The following FAM227B variants were observed in gnomAD, a reference collection of about 807,000 sequenced individuals.
The protein encoded by FAM227B is family with sequence similarity 227 member B, also known as protein FAM227B.
In FAM227B, 88 loss-of-function variants were observed where a neutral mutation model predicts 73.8. That is an observed-to-expected ratio of 1.19 (90% CI 1.00 to 1.42). The LOEUF (loss-of-function observed/expected upper bound fraction) is 1.42. Among genes scored for constraint, FAM227B ranks in the 40% most tolerant of loss-of-function variants. The pLI is 0.00. For missense variants in FAM227B, 632 were observed against 590.9 expected (o/e 1.07, Z -0.72); for synonymous variants, 210 against 190.5 (o/e 1.10, Z -0.84).
chr15:49,411,974 A>G (rs1043503463), intron 11 of FAM227B, among the ~76,000 whole-genome samples: 18 of 152,232 alleles, frequency 1.2e-4, no homozygotes, highest in African/African-American at 3.8e-4. Flanking sequence ...AGCTATTTCC[A>G]TATTCTTTTA....
intron 10 of FAM227B, among the ~76,000 whole-genome samples, chr15:49,508,955 C>T (rs1303576510): frequency 6.6e-6 from 1 of 152,152 alleles, no homozygotes; most frequent in African/African-American, 2.4e-5. Context: ...TGTCATGCCA[C>T]AGGGGGCCAC....
intron 13 of FAM227B, among the ~76,000 whole-genome samples, chr15:49,343,368 A>T (rs2041026580): frequency 1.3e-5 from 2 of 152,106 alleles, no homozygotes; most frequent in South Asian, 4.1e-4. Flanking sequence ...TTTGAATTCC[A>T]GAAGCTCTGA....
intron 9 of FAM227B, among the ~76,000 whole-genome samples, chr15:49,557,089 T>C (rs2073784175): frequency 6.6e-6 from 1 of 152,096 alleles, no homozygotes; most frequent in Admixed American, 6.5e-5. Flanking sequence ...GTATGTGTGT[T>C]CTCCCTCCAT....
At chr15:49,568,844 T>C (rs2074869127) in intron 8 of FAM227B, among the ~76,000 whole-genome samples, 1 of 152,046 alleles carries the variant, frequency 6.6e-6, no homozygotes. Flanking sequence ...GTAGTTTCTT[T>C]TTATTGCAGT....
intron 11 of FAM227B, among the ~76,000 whole-genome samples, chr15:49,389,818 A>G (rs926826989): frequency 8.6e-5 from 13 of 152,024 alleles, no homozygotes; most frequent in African/African-American, 2.9e-4. Flanking sequence ...AGACCAATAA[A>G]GAGCTATGTA....
intron 9 of FAM227B, among the ~76,000 whole-genome samples, chr15:49,555,680 A>G (rs532691470): frequency 7.2e-5 from 11 of 152,332 alleles, no homozygotes; most frequent in African/African-American, 2.4e-4. Flanking sequence ...AAGGATGTCA[A>G]TGAGTCATAG....
chr15:49,427,743 C>T (rs1404542066), intron 11 of FAM227B, among the ~76,000 whole-genome samples: 1 of 151,776 alleles, frequency 6.6e-6, no homozygotes, highest in East Asian at 1.9e-4. Context: ...TTTTAAGATA[C>T]TAGTAAATAT....
chr15:49,508,132 T>C (rs1373505421), intron 11 of FAM227B, 79 bp downstream of exon 11: 2 of 1,452,712 alleles, frequency 1.4e-6, no homozygotes, highest in African/African-American at 1.5e-5. Flanking sequence ...CATAAATCAT[T>C]AGAAAATTCT....
chr15:49,397,207 C>G (rs1251876436), intron 11 of FAM227B, among the ~76,000 whole-genome samples: 1 of 152,070 alleles, frequency 6.6e-6, no homozygotes, highest in African/African-American at 2.4e-5. Flanking sequence ...AATGCAGAAG[C>G]CTCAGGAGCC....
At position 49,327,993 on chromosome 15, in the gene FAM227B, G is replaced by C. The variant is rs754598196; in HGVS notation, c.*575C>G. The C allele has an allele frequency of 4.3e-6, 7 of 1,613,740 alleles. No individual in the cohort carries two copies. Among genetic ancestry groups the C allele is most frequent in the Non-Finnish European group, 5.9e-6 (7 of 1,179,794 alleles). ...GGGTCACGACTTACTGGAGCAGGAT[G>C]GGGAGGCTGCACAGTATCAATGGTA... On this transcript the variant is annotated 3_prime_UTR_variant, in exon 16 of 16. Coordinates refer to ENST00000299338, the MANE Select transcript of FAM227B (RefSeq NM_152647.3).
At chr15:49,468,927 T>C (rs977095126) in intron 11 of FAM227B, among the ~76,000 whole-genome samples, 1 of 152,194 alleles carries the variant, frequency 6.6e-6, no homozygotes, top group Non-Finnish European at 1.5e-5. Context: ...ACTGTCACTT[T>C]TGAAAAAGTC....
chr15:49,382,077 T>C (rs1246771127), intron 11 of FAM227B, among the ~76,000 whole-genome samples: 1 of 152,024 alleles, frequency 6.6e-6, no homozygotes, highest in Non-Finnish European at 1.5e-5. Flanking sequence ...TTATAAATAT[T>C]AAATACAATT....
At chr15:49,499,114 C>T (rs1250720664) in intron 11 of FAM227B, among the ~76,000 whole-genome samples, 10 of 137,718 alleles carry the variant, frequency 7.3e-5, no homozygotes, top group African/African-American at 2.4e-4. Context: ...TGCAGTGAGC[C>T]GAGATCCCGC....
intron 13 of FAM227B, among the ~76,000 whole-genome samples, chr15:49,355,832 G>A (rs1259863281): frequency 6.6e-6 from 1 of 152,138 alleles, no homozygotes; most frequent in East Asian, 1.9e-4. Context: ...GTTAAGGGCA[G>A]CTAGAGAGAA....
chr15:49,337,498 C>T (rs1291682049), intron 13 of FAM227B, among the ~76,000 whole-genome samples: 8 of 31,938 alleles, frequency 2.5e-4, no homozygotes, highest in Non-Finnish European at 5.6e-4. Context: ...CTGTTCATAT[C>T]ATTTACCCAC....
chr15:49,360,338 T>G (rs1490708663), intron 13 of FAM227B, among the ~76,000 whole-genome samples: 2 of 152,162 alleles, frequency 1.3e-5, no homozygotes, highest in Non-Finnish European at 2.9e-5. Flanking sequence ...TTCAGATTTT[T>G]CTAAACTGCA....
At chr15:49,414,396 G>T (rs2049069480) in intron 11 of FAM227B, among the ~76,000 whole-genome samples, 1 of 151,546 alleles carries the variant, frequency 6.6e-6, no homozygotes, top group African/African-American at 2.4e-5. Context: ...GGTGAAGTGT[G>T]TGGGGGGAGG....
chr15:49,568,175 TA>T, intron 9 of FAM227B, 69 bp downstream of exon 9: 1 of 1,342,020 alleles, frequency 7.5e-7, no homozygotes, highest in Non-Finnish European at 1.0e-6. Flanking sequence ...TGGGTTTAAA[TA>T]AAATAACGAT....
At chr15:49,500,904 C>A (rs977679211) in intron 11 of FAM227B, among the ~76,000 whole-genome samples, 4 of 152,098 alleles carry the variant, frequency 2.6e-5, no homozygotes, top group East Asian at 1.9e-4. Flanking sequence ...CCTCTGCCCC[C>A]CTCTTGCTTG....
Sources: gnomAD v4.1 joint callset for allele counts (sites outside exome capture counted in the v4.1 genomes callset) on GRCh38, gnomAD v4.1.1 for gene constraint, MANE v1.5 for transcripts, NCBI Gene and HGNC (gene_info 2026-07-23, HGNC 2026-07-21) for gene names.